Variants in ANKRD11 observed in about 807,000 individuals in gnomAD.
ANKRD11 encodes the protein ankyrin repeat domain 11, also known as ankyrin repeat domain-containing protein 11.
A neutral mutation model predicts 195.7 loss-of-function variants in ANKRD11; 17 were observed. The ratio of observed to expected loss-of-function variants is 0.09; its 90% confidence interval spans 0.06 to 0.13. The LOEUF (loss-of-function observed/expected upper bound fraction) is 0.13. Ranked by LOEUF, ANKRD11 falls within the 10% of genes least tolerant of loss-of-function variation. The probability of loss-of-function intolerance (pLI) is 1.00; values close to 1 mark genes in which losing one functional copy is unlikely to be tolerated. For synonymous variants in ANKRD11, 1,953 were observed against 1,528.1 expected, an observed-to-expected ratio of 1.28 and a Z score of -6.49; for missense variants, 3,735 against 3,566.1, an observed-to-expected ratio of 1.05 and a Z score of -1.21.
At chr16:89,352,122 C>G (rs1276664620) in intron 2 of ANKRD11, among the ~76,000 whole-genome samples, 1 of 152,120 alleles carries the variant, frequency 6.6e-6, no homozygotes, top group Non-Finnish European at 1.5e-5. Context: ...AACTCCTGAC[C>G]TCAAGTGATC....
intron 3 of ANKRD11, among the ~76,000 whole-genome samples, chr16:89,312,957 G>T (rs1457200037): frequency 6.6e-6 from 1 of 152,238 alleles, no homozygotes; most frequent in Non-Finnish European, 1.5e-5. Context: ...ATGTGAGTCT[G>T]TAACTGGCAC....
At chr16:89,288,432 C>T in intron 7 of ANKRD11, 96 bp downstream of exon 7, 1 of 1,584,476 alleles carries the variant, frequency 6.3e-7, no homozygotes, top group Non-Finnish European at 8.6e-7. Context: ...TCCTGTGCCC[C>T]ACATCATGGA....
chr16:89,443,108 T>C (rs1360895288), intron 1 of ANKRD11, among the ~76,000 whole-genome samples: 1 of 152,180 alleles, frequency 6.6e-6, no homozygotes, highest in African/African-American at 2.4e-5. Flanking sequence ...TTCTCCTGCC[T>C]CAGCCCCCGT....
intron 4 of ANKRD11, among the ~76,000 whole-genome samples, chr16:89,294,395 A>C (rs1243432038): frequency 6.6e-6 from 1 of 152,092 alleles, no homozygotes; most frequent in African/African-American, 2.4e-5. Flanking sequence ...TCCTGACACC[A>C]AAAAAGTCCA....
At chr16:89,418,470 T>A in intron 1 of ANKRD11, 102 bp from the exon 2 acceptor site, 1 of 343,784 alleles carries the variant, frequency 2.9e-6, no homozygotes, top group Non-Finnish European at 6.0e-6. Context: ...GTTTATTCCA[T>A]CGCCCTTCCT....
intron 9 of ANKRD11, among the ~76,000 whole-genome samples, chr16:89,275,712 G>T (rs957354996): frequency 7.9e-5 from 12 of 152,192 alleles, no homozygotes; most frequent in South Asian, 2.1e-4. Context: ...AGGTCCCCGT[G>T]GGGGCTGGGG....
chr16:89,362,741 C>T (rs1463783359), intron 2 of ANKRD11, among the ~76,000 whole-genome samples: 3 of 152,236 alleles, frequency 2.0e-5, no homozygotes, highest in Admixed American at 6.5e-5. Flanking sequence ...CCCTGGCATG[C>T]TTATACTGGT....
intron 9 of ANKRD11, chr16:89,277,695 A>G (rs1172534351): frequency 6.6e-6 from 1 of 152,308 alleles, no homozygotes; most frequent in Non-Finnish European, 1.5e-5. Flanking sequence ...CGCAGAGGTC[A>G]CCGTGGGTGC....
rs995830497 is a variant in ANKRD11 at position 89,419,446 on chromosome 16, C to A, written c.-144-1078G>T. 2.7e-5 allele frequency among the ~76,000 whole-genome samples: 4 copies of A among 147,268 alleles called. No individual in the cohort carries two copies. The Middle Eastern group carries it at 0.01, about 378-fold the overall frequency. On this transcript the variant is annotated intron_variant, in intron 1 of 12. Transcript: ENST00000301030. ...CCAGCCTGGGTGACAGAGCGAAACT[C>A]GTCTTAAAAAAAAAAAAAAAAGGCA...
In ANKRD11 at chr16:89,280,182, C is replaced by G; in HGVS notation, c.6360G>C (p.Trp2120Cys). ...CCTCGGGGCCGGCGAAGGCGTCCGC[C>G]CAGGGCACCGGCTCCACCTGGCCGA... ...SHLGQVEPVP[W>C]ADAFAGPEDD... The change falls in exon 9 of 13, where the codon TGG becomes TGC. Residue 2120 changes from tryptophan (W) to cysteine (C), a missense_variant. Trp to Cys is a radical substitution (Grantham distance 215). Transcript: ENST00000301030. 1 of 1,609,288 alleles carries G rather than the reference C, an allele frequency of 6.2e-7. No homozygotes were observed. The highest frequency in any genetic ancestry group is 8.5e-7 in the Non-Finnish European group (1 of 1,179,080).
chr16:89,474,373 A>G (rs1288827671), intron 1 of ANKRD11, among the ~76,000 whole-genome samples: 2 of 151,712 alleles, frequency 1.3e-5, no homozygotes, highest in African/African-American at 4.8e-5. Context: ...TCCCAGCACT[A>G]TGGGAGGCCA....
chr16:89,323,239 A>G, intron 2 of ANKRD11: 1 of 1,214,152 alleles, frequency 8.2e-7, no homozygotes, highest in Non-Finnish European at 1.1e-6. Context: ...AGAAAAAAGG[A>G]GAAAAGGAAA....
chr16:89,347,596 GC>G (rs1383960254), intron 2 of ANKRD11, among the ~76,000 whole-genome samples: 1 of 140,416 alleles, frequency 7.1e-6, no homozygotes, highest in Non-Finnish European at 1.5e-5. Context: ...GGGCGACAGA[GC>G]GAGACTCCGT....
In ANKRD11 at chr16:89,279,806, G is replaced by C; in HGVS notation, c.6736C>G (p.Pro2246Ala). ...CCGCTCCCCAGTGGGCGCTGTTCTG[G>C]GGGAACGGGCGCGGGCTCCACGCTG... Reference protein sequence around the residue: ...DSSVEPAPVPPEQRPLGSGDQ... With the variant: ...DSSVEPAPVPAEQRPLGSGDQ... Residue 2246 changes from proline (P) to alanine (A), a missense_variant, in exon 9 of 13, where the codon CCA becomes GCA. Transcript: ENST00000301030. This position sits in a 1 kb window ranked among gnomAD's most constrained non-coding sequence, Gnocchi z 5.6. 6.5e-7 allele frequency: 1 copy of C among 1,541,486 alleles called. No individual in the cohort carries two copies. The highest frequency in any genetic ancestry group is 8.7e-7 in the Non-Finnish European group (1 of 1,147,208).
At chr16:89,347,850 G>T (rs1443969556) in intron 2 of ANKRD11, among the ~76,000 whole-genome samples, 1 of 152,102 alleles carries the variant, frequency 6.6e-6, no homozygotes. Context: ...GTCAGTGGGT[G>T]TTTCTCAGAA....
At chr16:89,396,059 T>C (rs2041413380) in intron 2 of ANKRD11, 1 of 152,148 alleles carries the variant, frequency 6.6e-6, no homozygotes, top group African/African-American at 2.4e-5. Context: ...TGGCAGATCA[T>C]TTCTAAAAAA....
intron 2 of ANKRD11, among the ~76,000 whole-genome samples, chr16:89,406,337 G>T (rs1832139353): frequency 6.6e-6 from 1 of 152,158 alleles, no homozygotes; most frequent in South Asian, 2.1e-4. Context: ...GGTCACGGCG[G>T]GCACGGGAAA....
rs777774263 is a variant in ANKRD11 at position 89,282,360 on chromosome 16, C to G, written c.4182G>C (p.Lys1394Asn). 1 of 1,614,196 alleles carries G rather than the reference C, an allele frequency of 6.2e-7. No individual in the cohort carries two copies. Among genetic ancestry groups the G allele is most frequent in the Non-Finnish European group, 8.5e-7 (1 of 1,180,040 alleles). ...GSRKDSGQYE[K>N]DFLEADAYGV... ...CGTAAGCATCCGCCTCCAGGAAGTC[C>G]TTTTCGTACTGGCCGGAGTCCTTCC... Residue 1394 changes from lysine (K) to asparagine (N), a missense_variant, in exon 9 of 13, where the codon AAG becomes AAC. By Grantham distance (94) the Lys-to-Asn change is moderately conservative. Transcript: ENST00000301030.
chr16:89,280,222 C>T lies in ANKRD11; in HGVS notation c.6320G>A (p.Arg2107His), dbSNP rs2034073174. Residue 2107 changes from arginine to histidine, a missense_variant, in exon 9 of 13, where the codon CGC becomes CAC. Transcript: ENST00000301030. ...CACCTGGCCGAGGTGAGACAGGCCG[C>T]GGCTGCCGTCCAGGAAGCTATTTTC... is the stretch of plus-strand genomic sequence containing the variant. The part of the protein sequence containing the change: ...PLENSFLDGS[R>H]GLSHLGQVEP... 1.9e-6 allele frequency: 3 copies of T among 1,607,670 alleles called. No individual in the cohort carries two copies. Among genetic ancestry groups the T allele is most frequent in the African/African-American group, 2.7e-5 (2 of 74,916 alleles).
Sources: gnomAD v4.1 joint callset for allele counts (sites outside exome capture counted in the v4.1 genomes callset) on GRCh38, gnomAD v4.1.1 for gene constraint, Gnocchi (gnomAD v3.1) non-coding constraint, MANE v1.5 for transcripts, NCBI Gene and HGNC (gene_info 2026-07-23, HGNC 2026-07-21) for gene names.